The following MIPOL1 variants were observed in gnomAD, a reference collection of about 807,000 sequenced individuals.
MIPOL1 encodes mirror-image polydactyly gene 1 protein.
A neutral mutation model predicts 60.9 loss-of-function variants in MIPOL1; 57 were observed. The observed-to-expected ratio is 0.94, with a 90% CI of 0.76 to 1.17. MIPOL1 has a LOEUF of 1.17. Ranked by LOEUF, MIPOL1 falls within the 50% of genes most tolerant of loss-of-function variation. The pLI is 0.00. For synonymous variants in MIPOL1, 179 were observed against 168.8 expected (o/e 1.06, Z -0.47); for missense variants, 551 against 511.6 (o/e 1.08, Z -0.74).
intron 11 of MIPOL1, 29 bp from the exon 12 acceptor site, chr14:37,499,874 ACTTAT>A: frequency 3.4e-6 from 4 of 1,191,574 alleles, no homozygotes; most frequent in African/African-American, 1.5e-5. Context: ...AGTTTACATT[ACTTAT>A]CTTTAAATTT....
At chr14:37,397,432 T>A (rs1208343565) in intron 10 of MIPOL1, among the ~76,000 whole-genome samples, 1 of 152,090 alleles carries the variant, frequency 6.6e-6, no homozygotes, top group Non-Finnish European at 1.5e-5. Context: ...TTTTTAGCTT[T>A]GGTGGTTTAA....
chr14:37,373,932 A>G (rs1328112844), intron 10 of MIPOL1, among the ~76,000 whole-genome samples: 2 of 152,116 alleles, frequency 1.3e-5, no homozygotes, highest in African/African-American at 4.8e-5. Context: ...TGGTATTTCT[A>G]GTTCTAGATC....
At chr14:37,551,962 G>T (rs1177299828), downstream of MIPOL1, 1 of 151,316 alleles carries the variant, frequency 6.6e-6, no homozygotes, top group African/African-American at 2.4e-5. Flanking sequence ...ACTCATTTTG[G>T]AATATGTACG....
chr14:37,519,902 G>C (rs949914427), intron 12 of MIPOL1, among the ~76,000 whole-genome samples: 17 of 151,974 alleles, frequency 1.1e-4, no homozygotes, highest in Admixed American at 9.8e-4. Flanking sequence ...CCTTACCACT[G>C]TCTAAATTTT....
chr14:37,226,217 TCCA>T (rs1969708022), intron 1 of MIPOL1, among the ~76,000 whole-genome samples: 2 of 152,322 alleles, frequency 1.3e-5, no homozygotes, highest in African/African-American at 4.8e-5. Context: ...CAAAGTTGAT[TCCA>T]CATTTTTGGG....
intron 1 of MIPOL1, chr14:37,212,221 G>C (rs922643651): frequency 6.6e-6 from 1 of 151,936 alleles, no homozygotes; most frequent in Non-Finnish European, 1.5e-5. Flanking sequence ...ACTTTGTTTT[G>C]TACCTTAGAT....
intron 1 of MIPOL1, among the ~76,000 whole-genome samples, chr14:37,228,184 A>G (rs1970045385): frequency 6.6e-6 from 1 of 152,136 alleles, no homozygotes; most frequent in Non-Finnish European, 1.5e-5. Context: ...TACACATTAC[A>G]CATTTTTCTC....
chr14:37,536,311 T>C (rs2095506065), intron 12 of MIPOL1, among the ~76,000 whole-genome samples: 1 of 152,180 alleles, frequency 6.6e-6, no homozygotes, highest in African/African-American at 2.4e-5. Flanking sequence ...GGCAATCTTA[T>C]ATGCAGACAG....
intron 11 of MIPOL1, among the ~76,000 whole-genome samples, chr14:37,439,600 A>G (rs1445226542): frequency 6.6e-6 from 1 of 152,170 alleles, no homozygotes; most frequent in Non-Finnish European, 1.5e-5. Context: ...GACATATACA[A>G]CAGCCTACAG....
intron 12 of MIPOL1, among the ~76,000 whole-genome samples, chr14:37,516,609 C>T (rs2095371027): frequency 6.6e-6 from 1 of 152,104 alleles, no homozygotes; most frequent in South Asian, 2.1e-4. Context: ...TTGTTTAGTA[C>T]AAAGGAAGAC....
chr14:37,235,725 C>T (rs1971361276), intron 1 of MIPOL1, among the ~76,000 whole-genome samples: 1 of 152,086 alleles, frequency 6.6e-6, no homozygotes, highest in African/African-American at 2.4e-5. Context: ...ACTCTGTACC[C>T]ATTAAGCAGT....
intron 1 of MIPOL1, among the ~76,000 whole-genome samples, chr14:37,216,565 T>C (rs1194635442): frequency 6.6e-6 from 1 of 152,166 alleles, no homozygotes; most frequent in Non-Finnish European, 1.5e-5. Context: ...TTCAGAGAAA[T>C]TGAAATAATA....
intron 9 of MIPOL1, among the ~76,000 whole-genome samples, chr14:37,364,095 T>C (rs1019363767): frequency 2.0e-5 from 3 of 152,192 alleles, no homozygotes; most frequent in African/African-American, 7.2e-5. Context: ...GCTTCCTGGG[T>C]GAGGTGACGC....
At chr14:37,365,214 G>A (rs10131838) in intron 9 of MIPOL1, among the ~76,000 whole-genome samples, 183 of 152,084 alleles carry the variant, frequency 1.2e-3, no homozygotes, top group African/African-American at 3.9e-3. Flanking sequence ...TCTCTTGTCC[G>A]ATTGCTCTGG....
chr14:37,372,401 A>T (rs994010280), intron 10 of MIPOL1, among the ~76,000 whole-genome samples: 3 of 152,044 alleles, frequency 2.0e-5, no homozygotes, highest in Non-Finnish European at 4.4e-5. Context: ...AGAGACTAAG[A>T]TTAGATTTTT....
At chr14:37,428,530 G>A (rs571850654) in intron 11 of MIPOL1, among the ~76,000 whole-genome samples, 64 of 152,302 alleles carry the variant, frequency 4.2e-4, no homozygotes, top group African/African-American at 1.5e-3. Flanking sequence ...AGAGGTTGCC[G>A]TGGGTGGAGA....
chr14:37,338,542 G>T (rs2090359068), intron 9 of MIPOL1, among the ~76,000 whole-genome samples: 1 of 151,886 alleles, frequency 6.6e-6, no homozygotes, highest in Non-Finnish European at 1.5e-5. Context: ...CTGAATAACT[G>T]GGACCATAGG....
rs1264706775 is a variant in MIPOL1 at position 37,268,743 on chromosome 14, A to G, written c.337A>G (p.Ile113Val). ...VTSDSDKEKT[I>V]AFLLKELDIL... ...TTCAGACTCAGATAAAGAGAAGACA[A>G]TAGCATTTCTTCTAAAAGAATTGGA... Residue 113 changes from isoleucine (I) to valine (V), a missense_variant, in exon 5 of 13, where the codon ATA (isoleucine) becomes GTA (valine). Ile to Val is a conservative substitution (Grantham distance 29). Transcript: ENST00000684589. The G allele has an allele frequency of 1.3e-6, 2 of 1,591,562 alleles. No individual in the cohort carries two copies. Among genetic ancestry groups the G allele is most frequent in the East Asian group, 2.3e-5 (1 of 44,298 alleles).
intron 1 of MIPOL1, among the ~76,000 whole-genome samples, chr14:37,199,645 C>G (rs988360742): frequency 6.6e-6 from 1 of 152,100 alleles, no homozygotes; most frequent in Admixed American, 6.6e-5. Flanking sequence ...CTGTCTCAGC[C>G]TCCCGAGTAG....
Sources: gnomAD v4.1 joint callset for allele counts (sites outside exome capture counted in the v4.1 genomes callset) on GRCh38, gnomAD v4.1.1 for gene constraint, MANE v1.5 for transcripts, NCBI Gene and HGNC (gene_info 2026-07-23, HGNC 2026-07-21) for gene names.